The following RNF169 variants were observed in gnomAD, a reference collection of about 807,000 sequenced individuals.
RNF169 encodes ring finger protein 169.
RNF169 carries 24 observed loss-of-function variants against 53.9 expected under a neutral mutation model. That is an observed-to-expected ratio of 0.45 (90% CI 0.32 to 0.63). The LOEUF (loss-of-function observed/expected upper bound fraction) is 0.63. Ranked by LOEUF, RNF169 falls within the 20% of genes least tolerant of loss-of-function variation. The probability of loss-of-function intolerance (pLI) is 0.04; values close to 1 mark genes in which losing one functional copy is unlikely to be tolerated. For missense variants in RNF169, 883 were observed against 906.2 expected (o/e 0.97, Z 0.33); for synonymous variants, 396 against 363.5 (o/e 1.09, Z -1.02).
chr11:74,757,495 T>A (rs1474174767), intron 1 of RNF169, among the ~76,000 whole-genome samples: 1 of 145,576 alleles, frequency 6.9e-6, no homozygotes, highest in Non-Finnish European at 1.5e-5. Context: ...TGATTTATAG[T>A]CCTTTGAGTA....
rs2036278778 is a variant in RNF169 at position 74,837,730 on chromosome 11, C to G, written c.*1000C>G. ...TGATCTAAAATCCTAAAAAATCACC[C>G]TGAAGTCAGGCAAGGAACAATACTT... On this transcript the variant is annotated 3_prime_UTR_variant, in exon 6 of 6. Transcript: ENST00000299563. The G allele has an allele frequency of 6.6e-6, 1 of 152,240 alleles. No individual in the cohort carries two copies. Among genetic ancestry groups the G allele is most frequent in the Admixed American group, 6.5e-5 (1 of 15,286 alleles). The allele number at this position is 152,240 out of a possible 1,614,324, so 9.4% of individuals were successfully genotyped here.
rs2135294743 is a variant in RNF169, at chr11:74,749,318, C to T, written c.438C>T (p.Asp146=). Residue 146 remains aspartate (D), a synonymous_variant, in exon 1 of 6, where the codon GAC becomes GAT. Transcript: ENST00000299563. The stretch of plus-strand genomic sequence containing the variant: ...CCGAGCGCTGCCGCCCGCGCCGGGA[C>T]GGGGGCGCGGCTGCCGCGGGGCCCA... ...SQPERCRPRR[D]GGAAAAGPRP... is the part of the protein sequence containing the mutation. The T allele has an allele frequency of 8.4e-7, 1 of 1,192,236 alleles. No individual in the cohort carries two copies. The allele number at this position is 1,192,236 out of a possible 1,614,324, so 73.9% of individuals were successfully genotyped here. A position where few individuals can be genotyped will look rare whatever the true frequency, so the allele number is the denominator to read the frequency against.
intron 1 of RNF169, among the ~76,000 whole-genome samples, chr11:74,785,448 A>C (rs1312074806): frequency 6.6e-6 from 1 of 151,066 alleles, no homozygotes; most frequent in Non-Finnish European, 1.5e-5. Flanking sequence ...CACAAAAAAA[A>C]AGTGAGGATT....
intron 3 of RNF169, among the ~76,000 whole-genome samples, chr11:74,811,284 C>T (rs996824365): frequency 3.9e-5 from 6 of 152,230 alleles, no homozygotes; most frequent in Admixed American, 6.5e-5. Flanking sequence ...CTTTGTTGCC[C>T]AGGCTGGAGT....
At position 74,821,460 on chromosome 11, in the gene RNF169, C is replaced by T. The variant is rs1050527779; in HGVS notation, c.842+3746C>T. Among the ~76,000 whole-genome samples the T allele has an allele frequency of 7.3e-5, 9 of 123,326 alleles. 2 individuals carry two copies. The South Asian group carries it at 2.5e-3, about 35-fold the overall frequency. 80.9% of individuals were successfully genotyped at this position (123,326 alleles called of 152,430 possible). ...GATCACGAGGTCAGGAGATCGAGAC[C>T]ATCCCGGCTAAAATGGTGAAACCCC... On this transcript the variant is annotated intron_variant, in intron 4 of 5. Transcript: ENST00000299563.
chr11:74,827,034 G>A (rs2036108645), intron 4 of RNF169, among the ~76,000 whole-genome samples: 1 of 152,216 alleles, frequency 6.6e-6, no homozygotes. Flanking sequence ...TGCCCCAATG[G>A]GGACTCAGTG....
At chr11:74,817,533 A>G in intron 3 of RNF169, 63 bp from the exon 4 acceptor site, 2 of 997,660 alleles carry the variant, frequency 2.0e-6, no homozygotes, top group Non-Finnish European at 1.6e-6. Flanking sequence ...TTGAACCTAT[A>G]GCTAGAGTAG....
At chr11:74,820,226 C>G (rs973768839) in intron 4 of RNF169, among the ~76,000 whole-genome samples, 1 of 152,116 alleles carries the variant, frequency 6.6e-6, no homozygotes, top group Admixed American at 6.6e-5. Context: ...ATGCAGAGAA[C>G]TAAGGGGTGG....
At chr11:74,797,201 G>A (rs1040239520) in intron 2 of RNF169, among the ~76,000 whole-genome samples, 1 of 152,210 alleles carries the variant, frequency 6.6e-6, no homozygotes, top group African/African-American at 2.4e-5. Context: ...TTAAAGGTAA[G>A]TAAACTTTTA....
intron 2 of RNF169, among the ~76,000 whole-genome samples, chr11:74,800,775 A>G (rs2035717862): frequency 6.6e-6 from 1 of 152,226 alleles, no homozygotes; most frequent in African/African-American, 2.4e-5. Context: ...GAATTTGGAC[A>G]GTGAAGGTGT....
chr11:74,802,952 G>C (rs1481953393), intron 2 of RNF169, among the ~76,000 whole-genome samples: 2 of 151,930 alleles, frequency 1.3e-5, no homozygotes, highest in African/African-American at 2.4e-5. Flanking sequence ...ACGGAGTCTT[G>C]CTCTGTCGCC....
At chr11:74,824,832 T>TA (rs112508322) in intron 4 of RNF169, among the ~76,000 whole-genome samples, 1,694 of 152,318 alleles carry the variant, frequency 0.011, 33 homozygotes, top group African/African-American at 0.037. Flanking sequence ...GTTGCCTGTA[T>TA]AAGACCTAGA....
At chr11:74,833,930 T>A (rs2036214457) in intron 4 of RNF169, among the ~76,000 whole-genome samples, 1 of 152,142 alleles carries the variant, frequency 6.6e-6, no homozygotes, top group Non-Finnish European at 1.5e-5. Context: ...TTAAAAAATT[T>A]AACTCAAAAT....
chr11:74,794,418 G>A (rs933497489), intron 2 of RNF169, among the ~76,000 whole-genome samples: 6 of 152,200 alleles, frequency 3.9e-5, no homozygotes, highest in Admixed American at 3.9e-4. Context: ...TAGTTGTAGG[G>A]TCAATGGATC....
At chr11:74,823,986 A>G (rs934728565) in intron 4 of RNF169, among the ~76,000 whole-genome samples, 5 of 152,172 alleles carry the variant, frequency 3.3e-5, no homozygotes, top group Non-Finnish European at 7.3e-5. Context: ...TATAATATTC[A>G]AAATGCAAAA....
At chr11:74,759,254 A>T (rs1211018762) in intron 1 of RNF169, among the ~76,000 whole-genome samples, 1 of 141,298 alleles carries the variant, frequency 7.1e-6, no homozygotes, top group Non-Finnish European at 1.5e-5. Flanking sequence ...GTCGTCTGCA[A>T]ACAGGGACAA....
At chr11:74,758,660 C>G (rs1336462604) in intron 1 of RNF169, among the ~76,000 whole-genome samples, 1 of 152,050 alleles carries the variant, frequency 6.6e-6, no homozygotes, top group African/African-American at 2.4e-5. Flanking sequence ...CGCCACTACG[C>G]CCGGCTAATT....
intron 4 of RNF169, among the ~76,000 whole-genome samples, chr11:74,818,585 G>A (rs1205639634): frequency 6.6e-6 from 1 of 152,008 alleles, no homozygotes; most frequent in African/African-American, 2.4e-5. Context: ...GTAGAGACGA[G>A]GTCTCCTTGT....
At chr11:74,817,860 T>C (rs989022853) in intron 4 of RNF169, 146 bp downstream of exon 4, 5 of 653,624 alleles carry the variant, frequency 7.6e-6, no homozygotes, top group African/African-American at 1.8e-5. Flanking sequence ...TTTTCAAATA[T>C]GGACTAGGGA....
Sources: allele counts gnomAD v4.1 joint callset (sites outside exome capture counted in the v4.1 genomes callset), GRCh38; gene constraint gnomAD v4.1.1; transcripts MANE v1.5; gene names NCBI Gene and HGNC (gene_info 2026-07-23, HGNC 2026-07-21).